The following ZNF705B variants were observed in gnomAD, a reference collection of about 807,000 sequenced individuals.
The protein encoded by ZNF705B is zinc finger protein 705B.
Under a neutral mutation model 10.5 loss-of-function variants are expected in ZNF705B, and 1 was observed. The observed-to-expected ratio is 0.10, with a 90% CI of 0.03 to 0.45. The LOEUF is 0.45. ZNF705B is among the 20% of genes least tolerant of loss of function. ZNF705B has a pLI of 0.97. For synonymous variants in ZNF705B, 4 were observed against 25.4 expected (o/e 0.16, Z 2.53); for missense variants, 14 against 84.0 (o/e 0.17, Z 3.26).
chr8:7,942,352 G>C lies in ZNF705B; in HGVS notation c.-71-4999G>C, dbSNP rs1281929654. Among the ~76,000 whole-genome samples the C allele has an allele frequency of 3.6e-5, 2 of 55,124 alleles. 1 individual carries two copies. The highest frequency in any genetic ancestry group is 7.9e-5 in the Non-Finnish European group (2 of 25,160). The allele number at this position is 55,124 out of a possible 152,430, so 36.2% of individuals were successfully genotyped here. A position where few individuals can be genotyped will look rare whatever the true frequency, so the allele number is the denominator to read the frequency against. ...TTGGGGAAAGAGAGTCTTGCTGCTT[G>C]CTTGTGGGACTTGCCTTGGAAGGTA... is the stretch of plus-strand genomic sequence containing the variant. On this transcript the variant is annotated intron_variant, in intron 2 of 6. Coordinates refer to ENST00000400120, the MANE Select transcript of ZNF705B (RefSeq NM_001193630.1).
intron 2 of ZNF705B, among the ~76,000 whole-genome samples, chr8:7,944,838 C>T (rs1263169824): frequency 2.7e-4 from 23 of 86,476 alleles, no homozygotes; most frequent in African/African-American, 7.4e-4. Flanking sequence ...AGCACGATGG[C>T]GCATGCTTGT....
At chr8:7,930,052 T>C (rs1442090131) in intron 1 of ZNF705B, among the ~76,000 whole-genome samples, 9 of 105,574 alleles carry the variant, frequency 8.5e-5, no homozygotes, top group African/African-American at 2.5e-4. Flanking sequence ...GAATATGGTA[T>C]TATGTGGTGG....
Position 7,940,767 on chromosome 8 carries a change from G to T in ZNF705B, c.-71-6584G>T, listed in dbSNP as rs548809147. Reference sequence around the variant, plus strand: ...CATCCATGTTGTCACAAATGACAGGGTTTCGTTATTATGGAACACTGAACA... The same window carrying T: ...CATCCATGTTGTCACAAATGACAGGTTTTCGTTATTATGGAACACTGAACA... On this transcript the variant is annotated intron_variant, in intron 2 of 6. Transcript: ENST00000400120. Among the ~76,000 whole-genome samples the T allele has an allele frequency of 4.3e-5, 6 of 139,988 alleles. No homozygotes were observed. In the South Asian group the frequency reaches 1.2e-3, roughly 28 times the overall value. 91.8% of individuals were successfully genotyped at this position (139,988 alleles called of 152,430 possible). A position where few individuals can be genotyped will look rare whatever the true frequency, so the allele number is the denominator to read the frequency against.
At chr8:7,929,495 C>T (rs1271171091) in intron 1 of ZNF705B, among the ~76,000 whole-genome samples, 1 of 120,880 alleles carries the variant, frequency 8.3e-6, no homozygotes, top group Non-Finnish European at 2.0e-5. Context: ...GGCACCAAAC[C>T]TCAGAGCCAT....
intron 1 of ZNF705B, among the ~76,000 whole-genome samples, chr8:7,926,754 T>C (rs527251994): frequency 9.5e-5 from 11 of 115,770 alleles, no homozygotes; most frequent in African/African-American, 2.6e-4. Flanking sequence ...GGAAGTGCAA[T>C]TCAGACAACC....
chr8:7,937,089 C>T (rs1820035906), intron 2 of ZNF705B, among the ~76,000 whole-genome samples: 1 of 114,994 alleles, frequency 8.7e-6, no homozygotes, highest in Non-Finnish European at 2.1e-5. Context: ...TGAACATAGG[C>T]TGTCTTGTCT....
At chr8:7,932,538 A>G (rs2128942216) in intron 2 of ZNF705B, among the ~76,000 whole-genome samples, 1 of 121,484 alleles carries the variant, frequency 8.2e-6, no homozygotes, top group African/African-American at 2.5e-5. Flanking sequence ...CACTTACTCT[A>G]AGAAGTAAAT....
At chr8:7,928,093 C>G (rs1333178417) in intron 1 of ZNF705B, among the ~76,000 whole-genome samples, 6 of 119,248 alleles carry the variant, frequency 5.0e-5, no homozygotes, top group African/African-American at 1.5e-4. Flanking sequence ...AAGATCAAGA[C>G]ACCGGCATAG....
chr8:7,932,425 C>G (rs1584997482), intron 2 of ZNF705B, among the ~76,000 whole-genome samples: 1 of 121,410 alleles, frequency 8.2e-6, no homozygotes, highest in South Asian at 2.8e-4. Flanking sequence ...GTGCCTGGTA[C>G]CTCTAGTCAG....
chr8:7,928,682 G>A (rs1459351300), intron 1 of ZNF705B, among the ~76,000 whole-genome samples: 1 of 84,192 alleles, frequency 1.2e-5, no homozygotes, highest in African/African-American at 3.1e-5. Context: ...GCGTCACCTA[G>A]TTGTAATCTA....
intron 1 of ZNF705B, among the ~76,000 whole-genome samples, chr8:7,928,978 A>G (rs1363877634): frequency 1.7e-5 from 2 of 116,646 alleles, no homozygotes; most frequent in African/African-American, 2.5e-5. Context: ...AAAACTACCT[A>G]TTAGGTACAA....
At chr8:7,930,835 T>C (rs1182764520) in intron 2 of ZNF705B, among the ~76,000 whole-genome samples, 1 of 90,158 alleles carries the variant, frequency 1.1e-5, no homozygotes, top group African/African-American at 3.1e-5. Context: ...ATGTGTTGTG[T>C]TATTTTTTTT....
At position 7,937,629 on chromosome 8, in the gene ZNF705B, T is replaced by C. The variant is rs1157110776; in HGVS notation, c.-72+7193T>C. On this transcript the variant is annotated intron_variant, in intron 2 of 6. Transcript: ENST00000400120. Reference sequence around the variant, plus strand: ...ATCAAACCCATGTATTTAGCCAGGGTGACTATTTAACAAGTACTAGTGAGA... The same window carrying C: ...ATCAAACCCATGTATTTAGCCAGGGCGACTATTTAACAAGTACTAGTGAGA... Among the ~76,000 whole-genome samples the C allele has an allele frequency of 2.9e-4, 35 of 120,598 alleles. 5 individuals carry two copies. Among genetic ancestry groups the C allele is most frequent in the Non-Finnish European group, 9.9e-5 (5 of 50,704 alleles). The allele number at this position is 120,598 out of a possible 152,430, so 79.1% of individuals were successfully genotyped here. A position where few individuals can be genotyped will look rare whatever the true frequency, so the allele number is the denominator to read the frequency against.
At chr8:7,930,177 T>A (rs535856170) in intron 1 of ZNF705B, 110 bp from the exon 2 acceptor site, 24 of 118,650 alleles carry the variant, frequency 2.0e-4, no homozygotes, top group African/African-American at 6.1e-4. Context: ...ATTCCCATGT[T>A]TATGTCCATG....
rs571559289 is a variant in ZNF705B, at chr8:7,929,108, G to A, written c.-221-1179G>A. Among the ~76,000 whole-genome samples, 9 of 121,376 alleles carry A rather than the reference G, an allele frequency of 7.4e-5. 3 individuals carry two copies. The highest frequency in any genetic ancestry group is 2.0e-5 in the Non-Finnish European group (1 of 50,432). The allele number at this position is 121,376 out of a possible 152,430, so 79.6% of individuals were successfully genotyped here. On this transcript the variant is annotated intron_variant, in intron 1 of 6. Coordinates refer to ENST00000400120, the MANE Select transcript of ZNF705B (RefSeq NM_001193630.1). Reference sequence around the variant, plus strand: ...TACTGAAATTTGAAAAGAAGAGAGAGAATTTAACCTCTCCTTAATGATTCA... The same window carrying A: ...TACTGAAATTTGAAAAGAAGAGAGAAAATTTAACCTCTCCTTAATGATTCA...
intron 1 of ZNF705B, among the ~76,000 whole-genome samples, chr8:7,927,751 G>A (rs1174401563): frequency 6.8e-6 from 1 of 147,628 alleles, no homozygotes; most frequent in African/African-American, 2.4e-5. Flanking sequence ...TCTGACTTTA[G>A]AGCTCTTTTA....
At chr8:7,941,232 A>G (rs1315056177) in intron 2 of ZNF705B, among the ~76,000 whole-genome samples, 1 of 145,108 alleles carries the variant, frequency 6.9e-6, no homozygotes, top group Non-Finnish European at 1.5e-5. Context: ...GTCAAGCGGT[A>G]TTTCTGGTTG....
intron 1 of ZNF705B, among the ~76,000 whole-genome samples, chr8:7,927,122 CTTAAG>C (rs1156865548): frequency 1.7e-5 from 2 of 118,074 alleles, no homozygotes; most frequent in Non-Finnish European, 4.0e-5. Flanking sequence ...ATTATGTAAA[CTTAAG>C]TTATGCTAAC....
At chr8:7,932,945 G>A (rs1253995245) in intron 2 of ZNF705B, among the ~76,000 whole-genome samples, 3 of 109,792 alleles carry the variant, frequency 2.7e-5, no homozygotes, top group Admixed American at 2.2e-4. Context: ...GCACTCAGTG[G>A]CTGTTGTAGG....
Sources: gnomAD v4.1 joint callset for allele counts (sites outside exome capture counted in the v4.1 genomes callset) on GRCh38, gnomAD v4.1.1 for gene constraint, MANE v1.5 for transcripts, NCBI Gene and HGNC (gene_info 2026-07-23, HGNC 2026-07-21) for gene names.